CNTNAP2: variants seen among roughly 807,000 people sequenced by gnomAD.
CNTNAP2 encodes contactin associated protein 2.
CNTNAP2 carries 98 observed loss-of-function variants against 155.2 expected under a neutral mutation model. The observed-to-expected ratio is 0.63, with a 90% CI of 0.54 to 0.75. The LOEUF is 0.75. CNTNAP2 is among the 30% of genes least tolerant of loss of function. The pLI, the probability that CNTNAP2 is intolerant of heterozygous loss-of-function variation, is 0.00. For missense variants in CNTNAP2, 1,727 were observed against 1,688.1 expected, an observed-to-expected ratio of 1.02 and a Z score of -0.40; for synonymous variants, 651 against 631.2, an observed-to-expected ratio of 1.03 and a Z score of -0.47.
chr7:147,707,905 C>T (rs1193996686), intron 13 of CNTNAP2, among the ~76,000 whole-genome samples: 1 of 152,060 alleles, frequency 6.6e-6, no homozygotes, highest in East Asian at 1.9e-4. Flanking sequence ...AACTCAGGAC[C>T]ACAGAAGGAG....
At chr7:146,818,716 A>G (rs900173135) in intron 2 of CNTNAP2, among the ~76,000 whole-genome samples, 2 of 152,164 alleles carry the variant, frequency 1.3e-5, no homozygotes, top group African/African-American at 4.8e-5. Flanking sequence ...GTGACCACTA[A>G]ATGAAAACTT....
At chr7:147,260,691 A>C (rs2116683310) in intron 8 of CNTNAP2, among the ~76,000 whole-genome samples, 1 of 152,278 alleles carries the variant, frequency 6.6e-6, no homozygotes, top group East Asian at 1.9e-4. Context: ...CATATTGTAC[A>C]ATGTTCTTTG....
At chr7:147,046,255 G>A (rs772924798) in intron 4 of CNTNAP2, among the ~76,000 whole-genome samples, 32 of 152,110 alleles carry the variant, frequency 2.1e-4, no homozygotes, top group Non-Finnish European at 4.3e-4. Flanking sequence ...CAACCACTGA[G>A]TAGGCCTTCT....
At chr7:146,213,107 G>T (rs551834164) in intron 1 of CNTNAP2, among the ~76,000 whole-genome samples, 1 of 152,072 alleles carries the variant, frequency 6.6e-6, no homozygotes, top group Non-Finnish European at 1.5e-5. Flanking sequence ...TAACGTACTT[G>T]CTTCTATAAA....
chr7:148,149,549 G>T (rs762090802), intron 17 of CNTNAP2, among the ~76,000 whole-genome samples: 1 of 151,958 alleles, frequency 6.6e-6, no homozygotes, highest in Non-Finnish European at 1.5e-5. Context: ...AGAAATGTGC[G>T]TGTGTGTGTG....
rs529666599 is a variant in CNTNAP2, at chr7:148,179,611, G to GGGAA, written c.3010+7149_3010+7152dup. Among the ~76,000 whole-genome samples the GGGAA allele has an allele frequency of 7.1e-3, 1,000 of 140,710 alleles. 18 individuals are homozygous for GGGAA. Among genetic ancestry groups the GGGAA allele is most frequent in the African/African-American group, 0.025 (905 of 36,062 alleles). 92.3% of individuals were successfully genotyped at this position (140,710 alleles called of 152,430 possible). A position where few individuals can be genotyped will look rare whatever the true frequency, so the allele number is the denominator to read the frequency against. The stretch of plus-strand genomic sequence containing the variant: ...GGAGAGAGAGGGAGGGAGGGAAGGA[G>GGGAA]GGAAGGAAGGAAGGAAGGAGAGAAA... On this transcript the variant is annotated intron_variant, in intron 18 of 23. Coordinates refer to ENST00000361727, the MANE Select transcript of CNTNAP2 (RefSeq NM_014141.6).
At chr7:148,174,421 C>G (rs1464937965) in intron 18 of CNTNAP2, among the ~76,000 whole-genome samples, 3 of 144,008 alleles carry the variant, frequency 2.1e-5, no homozygotes, top group African/African-American at 5.8e-5. Flanking sequence ...CCTGTGACCG[C>G]CCCCCACCTC....
chr7:146,124,766 G>A (rs747941018), intron 1 of CNTNAP2, among the ~76,000 whole-genome samples: 1 of 151,988 alleles, frequency 6.6e-6, no homozygotes, highest in Non-Finnish European at 1.5e-5. Flanking sequence ...AACATGATTC[G>A]GGTGTTTTTT....
At chr7:148,171,395 G>T (rs1805791333) in intron 17 of CNTNAP2, among the ~76,000 whole-genome samples, 1 of 152,136 alleles carries the variant, frequency 6.6e-6, no homozygotes, top group South Asian at 2.1e-4. Context: ...ATATAAATTT[G>T]AGTTCGTCCT....
At chr7:146,721,801 CTATA>C (rs1271161257) in intron 1 of CNTNAP2, among the ~76,000 whole-genome samples, 11 of 109,160 alleles carry the variant, frequency 1.0e-4, no homozygotes, top group East Asian at 2.3e-4. Context: ...CATATATAGA[CTATA>C]TATAGTCTAT....
At chr7:146,659,214 T>C (rs1251769940) in intron 1 of CNTNAP2, among the ~76,000 whole-genome samples, 2 of 152,174 alleles carry the variant, frequency 1.3e-5, no homozygotes. Flanking sequence ...GTTAGAAGGT[T>C]AGTTAGTTAC....
intron 3 of CNTNAP2, among the ~76,000 whole-genome samples, chr7:146,976,869 C>T (rs1310711450): frequency 1.3e-5 from 2 of 152,160 alleles, no homozygotes; most frequent in East Asian, 1.9e-4. Flanking sequence ...ATTCTTCTCT[C>T]CCAGGAATGG....
chr7:148,372,241 C>T (rs992551445), intron 21 of CNTNAP2, among the ~76,000 whole-genome samples: 24 of 151,750 alleles, frequency 1.6e-4, no homozygotes, highest in Admixed American at 1.6e-3. Context: ...ATTGGTACCC[C>T]TATATAGGAC....
intron 21 of CNTNAP2, among the ~76,000 whole-genome samples, chr7:148,299,965 T>C (rs541228864): frequency 1.4e-4 from 21 of 152,148 alleles, no homozygotes; most frequent in Non-Finnish European, 2.6e-4. Context: ...TGTAAGGAGG[T>C]AAAAAACTGT....
In CNTNAP2 at chr7:148,365,790, GTATACATGCATGTGTATGCA is replaced by G. The variant is rs1188625907; in HGVS notation, c.3476-17857_3476-17838del. ...CGTGTATACATGTATGTGTATGCAT[GTATACATGCATGTGTATGCA>G]TGTATACATGCATGTGTATGCATGT... is the stretch of plus-strand genomic sequence containing the variant. On this transcript the variant is annotated intron_variant, in intron 21 of 23. Coordinates refer to ENST00000361727, the MANE Select transcript of CNTNAP2 (RefSeq NM_014141.6). 1.3e-3 allele frequency among the ~76,000 whole-genome samples: 130 copies of G among 101,854 alleles called. 49 individuals are homozygous for G. The highest frequency in any genetic ancestry group is 4.3e-3 in the African/African-American group (111 of 25,882). 66.8% of individuals were successfully genotyped at this position (101,854 alleles called of 152,430 possible).
At chr7:146,247,334 G>A (rs928666711) in intron 1 of CNTNAP2, among the ~76,000 whole-genome samples, 6 of 152,186 alleles carry the variant, frequency 3.9e-5, no homozygotes, top group Non-Finnish European at 5.9e-5. Context: ...GAGGTGGAAC[G>A]AAACTGTAAG....
intron 15 of CNTNAP2, among the ~76,000 whole-genome samples, chr7:148,031,305 T>C (rs376673239): frequency 3.9e-5 from 6 of 152,166 alleles, no homozygotes; most frequent in Non-Finnish European, 8.8e-5. Flanking sequence ...AGTTTTCTAA[T>C]GTAAGTGCTC....
chr7:146,398,499 A>C (rs2129107796), intron 1 of CNTNAP2, among the ~76,000 whole-genome samples: 1 of 152,196 alleles, frequency 6.6e-6, no homozygotes, highest in African/African-American at 2.4e-5. Flanking sequence ...TGTGGAGATT[A>C]TGGGTACTAC....
At position 146,898,294 on chromosome 7, in the gene CNTNAP2, A is replaced by G. The variant is rs185501395; in HGVS notation, c.402+58390A>G. Among the ~76,000 whole-genome samples the G allele has an allele frequency of 2.1e-3, 324 of 152,202 alleles. 3 individuals are homozygous for G. Among genetic ancestry groups the G allele is most frequent in the South Asian group, 7.0e-3 (34 of 4,824 alleles). ...ATTGGCCAGGAAGGTAAAATTTTAA[A>G]AATAGTTTTATTGTTTTCAATTGGT... On this transcript the variant is annotated intron_variant, in intron 3 of 23. Transcript: ENST00000361727.
Sources: allele counts gnomAD v4.1 joint callset (sites outside exome capture counted in the v4.1 genomes callset), GRCh38; gene constraint gnomAD v4.1.1; transcripts MANE v1.5; gene names NCBI Gene and HGNC (gene_info 2026-07-23, HGNC 2026-07-21).